Variants in UQCC1 observed in about 807,000 individuals in gnomAD.
UQCC1 encodes ubiquinol-cytochrome c reductase complex assembly factor 1.
Under a neutral mutation model 48.0 loss-of-function variants are expected in UQCC1, and 38 were observed. That is an observed-to-expected ratio of 0.79 (90% CI 0.61 to 1.04). UQCC1 has a LOEUF of 1.04. UQCC1 is among the 50% of genes least tolerant of loss of function. The pLI is 0.00. For synonymous variants in UQCC1, 111 were observed against 129.2 expected (o/e 0.86, Z 0.95); for missense variants, 368 against 381.8 (o/e 0.96, Z 0.30).
chr20:35,358,356 C>CAAAAAAAA (rs1198006186), intron 6 of UQCC1, among the ~76,000 whole-genome samples: 4 of 49,390 alleles, frequency 8.1e-5, no homozygotes, highest in Admixed American at 3.3e-4. Flanking sequence ...GACTCTGTCT[C>CAAAAAAAA]AAAAAAAAAA....
chr20:35,316,683 G>A (rs766804052), intron 7 of UQCC1, among the ~76,000 whole-genome samples: 5 of 152,148 alleles, frequency 3.3e-5, no homozygotes, highest in African/African-American at 4.8e-5. Flanking sequence ...CTGTCACCCA[G>A]GCTGGAGAGC....
intron 6 of UQCC1, among the ~76,000 whole-genome samples, chr20:35,348,253 C>T (rs2061451992): frequency 6.6e-6 from 1 of 152,214 alleles, no homozygotes; most frequent in Non-Finnish European, 1.5e-5. Context: ...TCTGAATAAT[C>T]AAGACCTCAC....
chr20:35,409,001 G>A (rs958678686), intron 1 of UQCC1, among the ~76,000 whole-genome samples: 6 of 152,130 alleles, frequency 3.9e-5, no homozygotes, highest in South Asian at 2.1e-4. Context: ...TTAAACTCAC[G>A]GAGACAGAAA....
chr20:35,358,850 G>T (rs1438997830), intron 6 of UQCC1, among the ~76,000 whole-genome samples: 1 of 152,120 alleles, frequency 6.6e-6, no homozygotes, highest in Admixed American at 6.5e-5. Flanking sequence ...GTGAGCCACC[G>T]CGCCTGGCCT....
intron 3 of UQCC1, among the ~76,000 whole-genome samples, chr20:35,382,656 C>A (rs1030441999): frequency 6.6e-6 from 1 of 151,190 alleles, no homozygotes; most frequent in African/African-American, 2.4e-5. Flanking sequence ...GGGACAGGCA[C>A]CCACCACCAC....
intron 7 of UQCC1, among the ~76,000 whole-genome samples, chr20:35,321,283 T>TGTGTGTGTGTGTGTGTGCGC (rs1389196330): frequency 1.1e-3 from 153 of 141,580 alleles, no homozygotes; most frequent in African/African-American, 4.1e-3. Flanking sequence ...TGTGTGTGTG[T>TGTGTGTGTGTGTGTGTGCGC]GCGCGCGCGC....
At chr20:35,362,425 C>A (rs552153738) in intron 6 of UQCC1, among the ~76,000 whole-genome samples, 1 of 152,182 alleles carries the variant, frequency 6.6e-6, no homozygotes, top group Admixed American at 6.5e-5. Context: ...GGCGCCATCT[C>A]GGCTCACAGC....
intron 2 of UQCC1, chr20:35,386,408 AAT>A (rs1445477687): frequency 2.3e-6 from 1 of 436,424 alleles, no homozygotes; most frequent in African/African-American, 2.1e-5. Flanking sequence ...GAAAAAATAG[AAT>A]TTCTAATTGT....
intron 7 of UQCC1, among the ~76,000 whole-genome samples, chr20:35,319,734 GC>G (rs1449530751): frequency 1.3e-5 from 2 of 152,148 alleles, no homozygotes; most frequent in African/African-American, 4.8e-5. Context: ...CACAAGTAAG[GC>G]AATAATGAAT....
rs149604199 is a variant in UQCC1 at position 35,384,152 on chromosome 20, G to T, written c.130-19C>A. On this transcript the variant is annotated intron_variant, in intron 2 of 9. Transcript: ENST00000374385. ...GGGGCCACTGAAGAATAAAAACACA[G>T]ATCTATGCAACACTGAGCACTTACA... is the stretch of plus-strand genomic sequence containing the variant. The T allele has an allele frequency of 4.4e-6, 7 of 1,594,374 alleles. No homozygotes were observed. Among genetic ancestry groups the T allele is most frequent in the Non-Finnish European group, 6.0e-6 (7 of 1,162,732 alleles).
intron 2 of UQCC1, chr20:35,386,473 A>G (rs1374003007): frequency 7.3e-6 from 3 of 411,302 alleles, no homozygotes; most frequent in South Asian, 1.8e-5. Flanking sequence ...AAAATTAGTC[A>G]GGATTCTTCT....
In UQCC1 at chr20:35,336,961, T is replaced by C. The variant is rs550132782; in HGVS notation, c.573+10203A>G. Among the ~76,000 whole-genome samples, 29 of 152,344 alleles carry C rather than the reference T, an allele frequency of 1.9e-4. No individual in the cohort carries two copies. The South Asian group carries it at 5.8e-3, about 30-fold the overall frequency. On this transcript the variant is annotated intron_variant, in intron 7 of 9. Transcript: ENST00000374385. The stretch of plus-strand genomic sequence containing the variant: ...ATGTCGTTAGCCCATGCCTAGACCC[T>C]GCTCCTCTTAGCGAGGAGAACAGTA...
intron 5 of UQCC1, among the ~76,000 whole-genome samples, chr20:35,367,114 C>A (rs370787251): frequency 0.065 from 7,077 of 109,324 alleles, 288 homozygotes; most frequent in Non-Finnish European, 0.1. Flanking sequence ...AAAAAACAAA[C>A]AAAAAAACAA....
chr20:35,316,715 G>A (rs1034916425), intron 7 of UQCC1, among the ~76,000 whole-genome samples: 23 of 151,200 alleles, frequency 1.5e-4, no homozygotes, highest in African/African-American at 5.6e-4. Context: ...CTTGGCTCAC[G>A]GCAACCTCCG....
At chr20:35,359,658 A>G (rs1423099238) in intron 6 of UQCC1, among the ~76,000 whole-genome samples, 6 of 152,036 alleles carry the variant, frequency 3.9e-5, no homozygotes. Flanking sequence ...ATTTTGAATT[A>G]ATAAAGACTA....
chr20:35,332,822 A>G (rs2061271713), intron 7 of UQCC1, among the ~76,000 whole-genome samples: 1 of 152,248 alleles, frequency 6.6e-6, no homozygotes, highest in Non-Finnish European at 1.5e-5. Context: ...GCCTGGAAAT[A>G]GGAAACCTAA....
chr20:35,374,432 TAC>T (rs2146461903), intron 4 of UQCC1, among the ~76,000 whole-genome samples, 176 bp from the exon 5 acceptor site: 1 of 152,346 alleles, frequency 6.6e-6, no homozygotes, highest in South Asian at 2.1e-4. Context: ...TAGCCATTCA[TAC>T]AGACTTCACA....
intron 5 of UQCC1, among the ~76,000 whole-genome samples, chr20:35,368,440 C>T (rs749308242): frequency 9.2e-5 from 14 of 152,142 alleles, no homozygotes; most frequent in Non-Finnish European, 1.9e-4. Context: ...GGTCATACAG[C>T]TATGAAAAGA....
intron 2 of UQCC1, among the ~76,000 whole-genome samples, chr20:35,391,331 A>G (rs1470196886): frequency 2.0e-5 from 3 of 152,238 alleles, no homozygotes; most frequent in Admixed American, 2.0e-4. Context: ...AAAAAGAATA[A>G]GAAAATGTGA....
Sources: allele counts gnomAD v4.1 joint callset (sites outside exome capture counted in the v4.1 genomes callset), GRCh38; gene constraint gnomAD v4.1.1; transcripts MANE v1.5; gene names NCBI Gene and HGNC (gene_info 2026-07-23, HGNC 2026-07-21).